Variants in MGAT4B observed in about 807,000 individuals in gnomAD.
The protein encoded by MGAT4B is alpha-1,3-mannosyl-glycoprotein 4-beta-N-acetylglucosaminyltransferase B.
In MGAT4B, 38 loss-of-function variants were observed where a neutral mutation model predicts 73.9. The observed-to-expected ratio is 0.51, with a 90% CI of 0.40 to 0.67. MGAT4B has a LOEUF of 0.67. Ranked by LOEUF, MGAT4B falls within the 30% of genes least tolerant of loss-of-function variation. The pLI is 0.00. For missense variants in MGAT4B, 686 were observed against 735.2 expected (o/e 0.93, Z 0.77); for synonymous variants, 373 against 313.5 (o/e 1.19, Z -2.01).
At position 179,800,166 on chromosome 5, in the gene MGAT4B, G is replaced by A. The variant is rs371709192; in HGVS notation, c.795+18C>T. The A allele has an allele frequency of 7.4e-6, 12 of 1,613,288 alleles. No individual in the cohort carries two copies. Among genetic ancestry groups the A allele is most frequent in the South Asian group, 2.2e-5 (2 of 91,076 alleles). ...GCGGCGCAGGGCAGGGCAGGGCAAC[G>A]CAGGGCTTGGGGCTGACCTGCACGT... On this transcript the variant is annotated intron_variant, in intron 7 of 14. Coordinates refer to ENST00000292591, the MANE Select transcript of MGAT4B (RefSeq NM_014275.5).
chr5:179,799,970 G>A lies in MGAT4B; in HGVS notation c.894C>T (p.Ser298=). 1.9e-6 allele frequency: 3 copies of A among 1,613,770 alleles called. No homozygotes were observed. Among genetic ancestry groups the A allele is most frequent in the Non-Finnish European group, 2.5e-6 (3 of 1,179,864 alleles). ...PSEDWMILEF[S]QLGFIGKMFK... is the part of the protein sequence containing the mutation. The stretch of plus-strand genomic sequence containing the variant: ...GGGGCACACCAATGAAGCCCAGCTG[G>A]GAGAACTCCAGGATCATCCAGTCCT... The change falls in exon 8 of 15, where the codon TCC becomes TCT. Residue 298 remains serine, a synonymous_variant. Coordinates refer to ENST00000292591, the MANE Select transcript of MGAT4B (RefSeq NM_014275.5).
chr5:179,798,075 G>A lies in MGAT4B; in HGVS notation c.1624-7C>T. 6.2e-7 allele frequency: 1 copy of A among 1,609,198 alleles called. No individual in the cohort carries two copies. Among genetic ancestry groups the A allele is most frequent in the Non-Finnish European group, 8.5e-7 (1 of 1,178,388 alleles). On this transcript the variant is annotated splice_polypyrimidine_tract_variant and splice_region_variant and intron_variant, in intron 14 of 14. Coordinates refer to ENST00000292591, the MANE Select transcript of MGAT4B (RefSeq NM_014275.5). ...CGGCCTTTTTCAGGAAGATCTGGAAGAGCCGGACCCAGGGTCAGCAGGGCC... is the reference window on the plus strand; with the variant it reads ...CGGCCTTTTTCAGGAAGATCTGGAAAAGCCGGACCCAGGGTCAGCAGGGCC...
At position 179,801,122 on chromosome 5, in the gene MGAT4B, C is replaced by T. The variant is rs1039418445; in HGVS notation, c.559-169G>A. 1 of 1,129,330 alleles carries T rather than the reference C, an allele frequency of 8.9e-7. No homozygotes were observed. Among genetic ancestry groups the T allele is most frequent in the Non-Finnish European group, 1.2e-6 (1 of 802,982 alleles). 70.0% of individuals were successfully genotyped at this position (1,129,330 alleles called of 1,614,324 possible). A position where few individuals can be genotyped will look rare whatever the true frequency, so the allele number is the denominator to read the frequency against. ...CAGAGACGGCCCTTTCCCTTTGGGACTCGCATGGCCAAGGACTAGGGGGTG... is the reference window on the plus strand; with the variant it reads ...CAGAGACGGCCCTTTCCCTTTGGGATTCGCATGGCCAAGGACTAGGGGGTG... On this transcript the variant is annotated intron_variant, in intron 4 of 14. Transcript: ENST00000292591. The surrounding 1 kb of genome is among the most constrained non-coding windows in gnomAD (Gnocchi z 4.8).
rs951248016 is a variant in MGAT4B, at chr5:179,800,250, G to T, written c.729C>A (p.Thr243=). The change falls in exon 7 of 15, where the codon ACC becomes ACA. Residue 243 remains threonine, a synonymous_variant. Transcript: ENST00000292591. ...GGAAGCAGTAATCGAGGTTCTGTTT[G>T]GTCCTCCACCTGTGGGCCGGGGCGG... ...GDPKERVRWR[T]KQNLDYCFLM... is the part of the protein sequence containing the mutation. 15 of 1,613,212 alleles carry T rather than the reference G, an allele frequency of 9.3e-6. No homozygotes were observed. The highest frequency in any genetic ancestry group is 8.0e-5 in the African/African-American group (6 of 74,896).
chr5:179,797,857 G>C lies in MGAT4B; in HGVS notation c.*188C>G. 1 of 767,176 alleles carries C rather than the reference G, an allele frequency of 1.3e-6. No homozygotes were observed. The highest frequency in any genetic ancestry group is 1.9e-5 in the South Asian group (1 of 51,284). The allele number at this position is 767,176 out of a possible 1,614,324, so 47.5% of individuals were successfully genotyped here. ...GGGCCGCCTGCCTCCTCCGCGGCCC[G>C]GCGGGCGGGGGCAGCACCAGCTCCT... On this transcript the variant is annotated 3_prime_UTR_variant, in exon 15 of 15. Coordinates refer to ENST00000292591, the MANE Select transcript of MGAT4B (RefSeq NM_014275.5).
Position 179,798,928 on chromosome 5 carries a change from C to CG in MGAT4B, c.1342dup (p.Arg448ProfsTer115). 1 of 1,613,450 alleles carries CG rather than the reference C, an allele frequency of 6.2e-7. No homozygotes were observed. The highest frequency in any genetic ancestry group is 8.5e-7 in the Non-Finnish European group (1 of 1,180,024). On this transcript the variant is annotated frameshift_variant and splice_region_variant, in exon 11 of 15. Coordinates refer to ENST00000292591, the MANE Select transcript of MGAT4B (RefSeq NM_014275.5). LOFTEE classifies it high-confidence loss of function. ...GCAGACCCATGGTGCTGGCACTGACCGCTCCAGTCTTAGAGGTTGGAAGAA... is the reference window on the plus strand; with the variant it reads ...GCAGACCCATGGTGCTGGCACTGACCGGCTCCAGTCTTAGAGGTTGGAAGAA...
Position 179,798,146 on chromosome 5 carries a change from T to G in MGAT4B, c.1623+19A>C. On this transcript the variant is annotated intron_variant, in intron 14 of 14. Coordinates refer to ENST00000292591, the MANE Select transcript of MGAT4B (RefSeq NM_014275.5). ...CCCTGGCTGCTCCCCGTGCCTGGCC[T>G]GGCCCTGCCCAGCCTCACCTCGCTC... 6.3e-7 allele frequency: 1 copy of G among 1,589,892 alleles called. No individual in the cohort carries two copies. The highest frequency in any genetic ancestry group is 8.6e-7 in the Non-Finnish European group (1 of 1,168,568).
In MGAT4B at chr5:179,797,804, A is replaced by ACGGTTC. The variant is rs1490357308; in HGVS notation, c.*235_*240dup. 1 of 495,998 alleles carries ACGGTTC rather than the reference A, an allele frequency of 2.0e-6. No homozygotes were observed. Among genetic ancestry groups the ACGGTTC allele is most frequent in the African/African-American group, 2.1e-5 (1 of 48,326 alleles). The allele number at this position is 495,998 out of a possible 1,614,324, so 30.7% of individuals were successfully genotyped here. On this transcript the variant is annotated 3_prime_UTR_variant, in exon 15 of 15. Transcript: ENST00000292591. ...CCTGACTGGGGCAGGCCGGGTGCGA[A>ACGGTTC]CGGTTCCGGGCCTCAGGCACAGTGT...
intron 1 of MGAT4B, chr5:179,802,326 A>C: frequency 7.4e-7 from 1 of 1,352,600 alleles, no homozygotes; most frequent in Non-Finnish European, 9.5e-7. Context: ...TTGGCCTCCA[A>C]AGCCCACTCT....
In MGAT4B at chr5:179,800,032, T is replaced by C; in HGVS notation, c.832A>G (p.Ser278Gly). The change falls in exon 8 of 15, where the codon AGC becomes GGC. Residue 278 changes from serine to glycine, a missense_variant. By Grantham distance (56) the Ser-to-Gly change is moderately conservative (BLOSUM62 0). Transcript: ENST00000292591. ...DDIVAKPNYLSTMKNFALQQP... is the reference protein window; with the variant it reads ...DDIVAKPNYLGTMKNFALQQP... ...TGCAGTGCAAAGTTCTTCATGGTGC[T>C]CAGGTAGTTGGGCTTGGCCACGATG... 6.2e-7 allele frequency: 1 copy of C among 1,613,986 alleles called. No homozygotes were observed. The highest frequency in any genetic ancestry group is 8.5e-7 in the Non-Finnish European group (1 of 1,180,010).
Position 179,797,950 on chromosome 5 carries a change from G to A in MGAT4B, c.*95C>T, listed in dbSNP as rs562914299. The A allele has an allele frequency of 3.2e-4, 481 of 1,490,756 alleles. 1 individual carries two copies. The African/African-American group carries it at 5.6e-3, about 17-fold the overall frequency. The allele number at this position is 1,490,756 out of a possible 1,614,324, so 92.3% of individuals were successfully genotyped here. A position where few individuals can be genotyped will look rare whatever the true frequency, so the allele number is the denominator to read the frequency against. ...CGACGCCAGGCAGAACCCTTTGGGC[G>A]GGGCCGTATCTGGCCCTCCGGGGAC... On this transcript the variant is annotated 3_prime_UTR_variant, in exon 15 of 15. Coordinates refer to ENST00000292591, the MANE Select transcript of MGAT4B (RefSeq NM_014275.5).
At position 179,797,862 on chromosome 5, in the gene MGAT4B, G is replaced by A. The variant is rs1756715397; in HGVS notation, c.*183C>T. 24 of 810,410 alleles carry A rather than the reference G, an allele frequency of 3.0e-5. No homozygotes were observed. The South Asian group carries it at 4.6e-4, about 15-fold the overall frequency. 50.2% of individuals were successfully genotyped at this position (810,410 alleles called of 1,614,324 possible). ...GCCTGCCTCCTCCGCGGCCCGGCGG[G>A]CGGGGGCAGCACCAGCTCCTAGGGC... On this transcript the variant is annotated 3_prime_UTR_variant, in exon 15 of 15. Transcript: ENST00000292591.
intron 1 of MGAT4B, chr5:179,802,237 G>A (rs1686950399): frequency 8.4e-6 from 12 of 1,432,936 alleles, no homozygotes; most frequent in Non-Finnish European, 1.0e-5. Context: ...CATCTGAAGT[G>A]GAAATACGAT....
In MGAT4B at chr5:179,799,663, G is replaced by T. The variant is rs200690524; in HGVS notation, c.911-27C>A. 99 of 1,613,080 alleles carry T rather than the reference G, an allele frequency of 6.1e-5. No homozygotes were observed. The African/African-American group carries it at 1.3e-3, about 20-fold the overall frequency. ...TGGTGGGGAGGGGCCTGAGTGGGCA[G>T]TGCTGCTCTGCCTACTTCCTTTCTC... On this transcript the variant is annotated intron_variant, in intron 8 of 14. Coordinates refer to ENST00000292591, the MANE Select transcript of MGAT4B (RefSeq NM_014275.5).
intron 10 of MGAT4B, 39 bp from the exon 11 acceptor site, chr5:179,799,160 C>T (rs373142990): frequency 2.2e-5 from 35 of 1,613,970 alleles, no homozygotes; most frequent in African/African-American, 4.0e-5. Flanking sequence ...GCGTGGGCCC[C>T]GACCTTGATC....
Position 179,799,637 on chromosome 5 carries a change from C to T in MGAT4B, c.911-1G>A. 6.2e-7 allele frequency: 1 copy of T among 1,613,562 alleles called. No individual in the cohort carries two copies. Among genetic ancestry groups the T allele is most frequent in the Non-Finnish European group, 8.5e-7 (1 of 1,180,008 alleles). On this transcript the variant is annotated splice_acceptor_variant, in intron 8 of 14. Coordinates refer to ENST00000292591, the MANE Select transcript of MGAT4B (RefSeq NM_014275.5). LOFTEE classifies it high-confidence loss of function. ...AGGTCCAGCGACTTGAACATCTTAC[C>T]TGGTGGGGAGGGGCCTGAGTGGGCA...
rs1191380514 is a variant in MGAT4B, at chr5:179,802,935, A to T, written c.98-966T>A. ...CTCCAAGTTTAAGAAGCCTGACCGAACTCCCTCTACACTCAGGCAGCTCTT... is the reference window on the plus strand; with the variant it reads ...CTCCAAGTTTAAGAAGCCTGACCGATCTCCCTCTACACTCAGGCAGCTCTT... On this transcript the variant is annotated intron_variant, in intron 1 of 14. Transcript: ENST00000292591. The T allele has an allele frequency of 4.1e-6, 4 of 984,342 alleles. No homozygotes were observed. In the African/African-American group the frequency reaches 7.0e-5, roughly 17 times the overall value. The allele number at this position is 984,342 out of a possible 1,614,324, so 61.0% of individuals were successfully genotyped here. A position where few individuals can be genotyped will look rare whatever the true frequency, so the allele number is the denominator to read the frequency against.
At position 179,801,822 on chromosome 5, in the gene MGAT4B, CGCA is replaced by C. The variant is rs927003487; in HGVS notation, c.242_244del (p.Leu81del). The C allele has an allele frequency of 3.1e-6, 5 of 1,604,134 alleles. No individual in the cohort carries two copies. The African/African-American group carries it at 6.7e-5, about 21-fold the overall frequency. On this transcript the variant is annotated inframe_deletion, in exon 2 of 15. Transcript: ENST00000292591. The surrounding 1 kb of genome is among the most constrained non-coding windows in gnomAD (Gnocchi z 4.8). ...CCAGGTGCGATTGCCGTCTCCGTCT[CGCA>C]GCGCCTGCCTTTCTGACACGGCCCT...
rs542724760 is a variant in MGAT4B, at chr5:179,800,666, G to A, written c.606-69C>T. On this transcript the variant is annotated intron_variant, in intron 5 of 14. Transcript: ENST00000292591. ...TGAGAGGGGCCGAGCCCACCAGACT[G>A]TGGCCCTTTCTTGAGGCTCACCCAG... 2.6e-4 allele frequency: 317 copies of A among 1,237,386 alleles called. 2 individuals carry two copies. Among genetic ancestry groups the A allele is most frequent in the South Asian group, 6.6e-4 (52 of 78,688 alleles). 76.7% of individuals were successfully genotyped at this position (1,237,386 alleles called of 1,614,324 possible). A position where few individuals can be genotyped will look rare whatever the true frequency, so the allele number is the denominator to read the frequency against.
Sources: gnomAD v4.1 joint callset for allele counts on GRCh38, gnomAD v4.1.1 for gene constraint, Gnocchi (gnomAD v3.1) non-coding constraint, MANE v1.5 for transcripts, NCBI Gene and HGNC (gene_info 2026-07-23, HGNC 2026-07-21) for gene names.